Variants in PLCXD3 observed in about 807,000 individuals in gnomAD.
PLCXD3 encodes the protein phosphatidylinositol specific phospholipase C X domain containing 3, also known as PI-PLC X domain-containing protein 3.
Under a neutral mutation model 25.5 loss-of-function variants are expected in PLCXD3, and 19 were observed. That is an observed-to-expected ratio of 0.75 (90% confidence interval 0.52 to 1.09). The LOEUF is 1.09. Ranked by LOEUF, PLCXD3 falls within the 50% of genes least tolerant of loss-of-function variation. The probability of loss-of-function intolerance (pLI) is 0.00; values close to 1 mark genes in which losing one functional copy is unlikely to be tolerated. For missense variants in PLCXD3, 411 were observed against 388.1 expected, an observed-to-expected ratio of 1.06 and a Z score of -0.50; for synonymous variants, 174 against 137.6, an observed-to-expected ratio of 1.26 and a Z score of -1.85.
intron 1 of PLCXD3, among the ~76,000 whole-genome samples, chr5:41,498,154 C>A (rs1428507580): frequency 2.0e-5 from 3 of 150,588 alleles, no homozygotes; most frequent in Non-Finnish European, 4.5e-5. Context: ...CAATCTAAGA[C>A]AAAATTTAGT....
At chr5:41,431,028 A>G (rs1286505591) in intron 1 of PLCXD3, among the ~76,000 whole-genome samples, 1 of 152,178 alleles carries the variant, frequency 6.6e-6, no homozygotes, top group African/African-American at 2.4e-5. Flanking sequence ...CATGTGAGAA[A>G]GGAATTCTTT....
intron 2 of PLCXD3, among the ~76,000 whole-genome samples, chr5:41,356,002 T>TAA (rs201128928): frequency 6.6e-6 from 1 of 152,056 alleles, no homozygotes; most frequent in Non-Finnish European, 1.5e-5. Context: ...ATAACTTCTC[T>TAA]AAAAAAAACC....
chr5:41,329,218 T>G (rs1326862343), intron 2 of PLCXD3, among the ~76,000 whole-genome samples: 1 of 152,228 alleles, frequency 6.6e-6, no homozygotes, highest in East Asian at 1.9e-4. Context: ...GTTCTGGTCC[T>G]GACTAGAGTA....
rs144061774 is a variant in PLCXD3, at chr5:41,428,364, G to A, written c.104-45830C>T. On this transcript the variant is annotated intron_variant, in intron 1 of 2. Coordinates refer to ENST00000377801, the MANE Select transcript of PLCXD3 (RefSeq NM_001005473.3). ...ATAGGGTCTTTAAAGAGGTGATTAA[G>A]TTAAAATGAGTTTTTTTGTTTTTGT... 5.7e-5 allele frequency among the ~76,000 whole-genome samples: 8 copies of A among 139,626 alleles called. No homozygotes were observed. In the East Asian group the frequency reaches 1.7e-3, roughly 30 times the overall value. The allele number at this position is 139,626 out of a possible 152,430, so 91.6% of individuals were successfully genotyped here.
At chr5:41,341,909 C>T (rs1744163443) in intron 2 of PLCXD3, among the ~76,000 whole-genome samples, 2 of 152,254 alleles carry the variant, frequency 1.3e-5, no homozygotes, top group South Asian at 4.1e-4. Flanking sequence ...CATTCTTAGC[C>T]ATGCTTTACC....
At chr5:41,318,192 G>T (rs533758989) in intron 2 of PLCXD3, among the ~76,000 whole-genome samples, 9 of 152,104 alleles carry the variant, frequency 5.9e-5, no homozygotes, top group Non-Finnish European at 1.3e-4. Flanking sequence ...ATGTTAAAGG[G>T]AGTACTTCAA....
chr5:41,314,631 TG>T (rs1743235969), intron 2 of PLCXD3, among the ~76,000 whole-genome samples: 1 of 152,210 alleles, frequency 6.6e-6, no homozygotes, highest in African/African-American at 2.4e-5. Flanking sequence ...GTTAGTCATG[TG>T]GCTATCTAGG....
chr5:41,493,829 T>A (rs1487822815), intron 1 of PLCXD3, among the ~76,000 whole-genome samples: 3 of 152,184 alleles, frequency 2.0e-5, no homozygotes. Context: ...ATTTTCCAGG[T>A]GCCGTCTGTC....
intron 1 of PLCXD3, among the ~76,000 whole-genome samples, chr5:41,495,326 T>C (rs1271949127): frequency 6.6e-6 from 1 of 152,188 alleles, no homozygotes. Context: ...TGGTGGTCAC[T>C]GAAAACAAAA....
intron 1 of PLCXD3, among the ~76,000 whole-genome samples, chr5:41,390,056 T>C (rs1303514523): frequency 6.6e-6 from 1 of 152,168 alleles, no homozygotes; most frequent in Non-Finnish European, 1.5e-5. Context: ...TATATCACTC[T>C]AAGTTAGTTT....
At chr5:41,499,321 T>C (rs1201146579) in intron 1 of PLCXD3, among the ~76,000 whole-genome samples, 3 of 151,556 alleles carry the variant, frequency 2.0e-5, no homozygotes, top group African/African-American at 4.8e-5. Context: ...AAAATCAACA[T>C]TAAAAATCAG....
intron 1 of PLCXD3, among the ~76,000 whole-genome samples, chr5:41,478,619 T>A (rs1748330885): frequency 6.6e-6 from 1 of 152,210 alleles, no homozygotes; most frequent in African/African-American, 2.4e-5. Flanking sequence ...TTTACTTCTG[T>A]TTTAAGAATG....
At chr5:41,496,484 A>G (rs1748839682) in intron 1 of PLCXD3, among the ~76,000 whole-genome samples, 1 of 152,012 alleles carries the variant, frequency 6.6e-6, no homozygotes, top group Admixed American at 6.5e-5. Context: ...GTCACATACA[A>G]GGAAAATTCC....
At chr5:41,391,783 G>A (rs1447061500) in intron 1 of PLCXD3, among the ~76,000 whole-genome samples, 1 of 152,176 alleles carries the variant, frequency 6.6e-6, no homozygotes, top group Non-Finnish European at 1.5e-5. Context: ...CTCTTGAACA[G>A]CATTTATGGA....
intron 1 of PLCXD3, among the ~76,000 whole-genome samples, chr5:41,403,394 A>ATTTTTTTTTTTTT (rs1554047940): frequency 6.4e-5 from 1 of 15,720 alleles, no homozygotes; most frequent in Non-Finnish European, 1.7e-4. Flanking sequence ...AGATTGACTT[A>ATTTTTTTTTTTTT]TTTGTTGTTT....
chr5:41,475,073 G>C (rs1340035133), intron 1 of PLCXD3, among the ~76,000 whole-genome samples: 1 of 152,174 alleles, frequency 6.6e-6, no homozygotes, highest in East Asian at 1.9e-4. Context: ...AGGTGCTGTA[G>C]GTGGGGCAAA....
chr5:41,401,024 T>G (rs894040122), intron 1 of PLCXD3, among the ~76,000 whole-genome samples: 5 of 151,800 alleles, frequency 3.3e-5, no homozygotes, highest in Admixed American at 6.6e-5. Flanking sequence ...TAAAAAAGAA[T>G]ATAGTGTGCT....
chr5:41,309,573 T>A lies in PLCXD3; in HGVS notation c.*4044A>T, dbSNP rs1275812303. The A allele has an allele frequency of 2.0e-5, 3 of 152,142 alleles. No individual in the cohort carries two copies. The highest frequency in any genetic ancestry group is 7.2e-5 in the African/African-American group (3 of 41,440). The allele number at this position is 152,142 out of a possible 1,614,324, so 9.4% of individuals were successfully genotyped here. ...CGTTGGATCTGTAAAACTGTGAAAC[T>A]AAAAAACTCATGGAAACATGCATTT... On this transcript the variant is annotated 3_prime_UTR_variant, in exon 3 of 3. Transcript: ENST00000377801.
chr5:41,383,198 CAACAGCATTTAAAAATT>C (rs1745526207), intron 1 of PLCXD3, among the ~76,000 whole-genome samples: 1 of 152,008 alleles, frequency 6.6e-6, no homozygotes, highest in Admixed American at 6.6e-5. Context: ...TCTTGCAAGT[CAACAGCATTTAAAAATT>C]AACAGCATTT....
Sources: gnomAD v4.1 joint callset for allele counts (sites outside exome capture counted in the v4.1 genomes callset) on GRCh38, gnomAD v4.1.1 for gene constraint, MANE v1.5 for transcripts, NCBI Gene and HGNC (gene_info 2026-07-23, HGNC 2026-07-21) for gene names.